The following XKR6 variants were observed in gnomAD, a reference collection of about 807,000 sequenced individuals.
XKR6 encodes the protein XK-related protein 6.
Under a neutral mutation model 56.7 loss-of-function variants are expected in XKR6, and 22 were observed. The observed-to-expected ratio is 0.39, with a 90% CI of 0.28 to 0.55. The LOEUF (loss-of-function observed/expected upper bound fraction) is 0.55. Among genes scored for constraint, XKR6 ranks in the 20% least tolerant of loss-of-function variants. The pLI, the probability that XKR6 is intolerant of heterozygous loss-of-function variation, is 0.66. For synonymous variants in XKR6, 524 were observed against 387.8 expected (o/e 1.35, Z -4.13); for missense variants, 852 against 889.0 (o/e 0.96, Z 0.53).
At chr8:11,087,330 G>A (rs2129171692) in intron 1 of XKR6, among the ~76,000 whole-genome samples, 1 of 152,294 alleles carries the variant, frequency 6.6e-6, no homozygotes, top group East Asian at 1.9e-4. Flanking sequence ...ACAGGACCCT[G>A]ATCCTGATTC....
chr8:11,191,299 T>A (rs1267147708), intron 1 of XKR6, among the ~76,000 whole-genome samples: 2 of 152,110 alleles, frequency 1.3e-5, no homozygotes, highest in African/African-American at 4.8e-5. Flanking sequence ...CCGGCAAGGA[T>A]TCCCAAAAGA....
chr8:11,179,077 G>A (rs58454813), intron 1 of XKR6, among the ~76,000 whole-genome samples: 10,173 of 132,604 alleles, frequency 0.077, 412 homozygotes, highest in South Asian at 0.11. Flanking sequence ...GGCTTGTCTC[G>A]AACTCTCAGC....
At chr8:10,980,692 T>C (rs1381929329) in intron 1 of XKR6, among the ~76,000 whole-genome samples, 2 of 152,218 alleles carry the variant, frequency 1.3e-5, no homozygotes, top group East Asian at 3.8e-4. Flanking sequence ...CTCTATCTAT[T>C]GACCTACCCA....
intron 1 of XKR6, among the ~76,000 whole-genome samples, chr8:11,198,598 C>T (rs763284438): frequency 2.0e-5 from 3 of 151,938 alleles, no homozygotes; most frequent in Non-Finnish European, 4.4e-5. Context: ...GCCCTAAAAT[C>T]TGGACTTCCA....
At chr8:11,160,815 G>C (rs1344191278) in intron 1 of XKR6, among the ~76,000 whole-genome samples, 2 of 144,898 alleles carry the variant, frequency 1.4e-5, no homozygotes, top group African/African-American at 5.2e-5. Flanking sequence ...GGTAGGCTAA[G>C]CCAAGAGAAA....
At chr8:10,993,202 C>G (rs1644366855) in intron 1 of XKR6, among the ~76,000 whole-genome samples, 1 of 152,240 alleles carries the variant, frequency 6.6e-6, no homozygotes, top group African/African-American at 2.4e-5. Flanking sequence ...GCTGGTAGCT[C>G]TCGCGCCCAG....
At chr8:11,019,027 C>G (rs952172469) in intron 1 of XKR6, among the ~76,000 whole-genome samples, 5 of 152,196 alleles carry the variant, frequency 3.3e-5, no homozygotes, top group African/African-American at 1.2e-4. Flanking sequence ...CCCCCTCACC[C>G]ACTCCCCCAG....
chr8:11,128,923 C>G (rs1295438304), intron 1 of XKR6: 1 of 456,730 alleles, frequency 2.2e-6, no homozygotes, highest in Non-Finnish European at 4.4e-6. Context: ...AACCTTGTTC[C>G]CCTGGCTTCT....
chr8:10,911,896 G>T (rs1800383934), intron 2 of XKR6, among the ~76,000 whole-genome samples: 1 of 150,252 alleles, frequency 6.7e-6, no homozygotes, highest in East Asian at 2.0e-4. Context: ...TATATATAGA[G>T]AGAATAGGTA....
intron 1 of XKR6, among the ~76,000 whole-genome samples, chr8:11,008,926 T>C (rs1798437256): frequency 6.6e-6 from 1 of 152,058 alleles, no homozygotes; most frequent in South Asian, 2.1e-4. Context: ...CTGAGGGAAA[T>C]CTCTTGACAT....
chr8:11,070,803 C>A (rs1425633547), intron 1 of XKR6, among the ~76,000 whole-genome samples: 1 of 152,186 alleles, frequency 6.6e-6, no homozygotes, highest in Non-Finnish European at 1.5e-5. Flanking sequence ...AGGTGACTTG[C>A]CCAAGATCTC....
At chr8:10,979,004 C>G (rs531877119) in intron 1 of XKR6, among the ~76,000 whole-genome samples, 1 of 152,122 alleles carries the variant, frequency 6.6e-6, no homozygotes, top group Non-Finnish European at 1.5e-5. Flanking sequence ...ATCTGTCCAC[C>G]CCCTGCCTGG....
intron 1 of XKR6, among the ~76,000 whole-genome samples, chr8:11,163,811 A>G (rs1201224091): frequency 1.3e-5 from 2 of 152,138 alleles, no homozygotes; most frequent in Non-Finnish European, 2.9e-5. Context: ...AAGAGAGTAG[A>G]GTAGCTTGTT....
chr8:10,952,580 C>T (rs1032585244), intron 1 of XKR6, among the ~76,000 whole-genome samples: 4 of 152,176 alleles, frequency 2.6e-5, no homozygotes, highest in Non-Finnish European at 5.9e-5. Flanking sequence ...CAGCCTCCCC[C>T]GTACCTGGGA....
chr8:10,916,712 G>A lies in XKR6; in HGVS notation c.961+7922C>T, dbSNP rs1259014248. Among the ~76,000 whole-genome samples the A allele has an allele frequency of 3.3e-5, 5 of 152,014 alleles. No homozygotes were observed. The East Asian group carries it at 9.6e-4, about 29-fold the overall frequency. On this transcript the variant is annotated intron_variant, in intron 2 of 2. Transcript: ENST00000416569. ...GTGGGATGCTTTTCATCCTCACCAG[G>A]GAAAAAAAGAAGTAAGTGCTTGCCG...
At chr8:11,153,308 G>C (rs1295000765) in intron 1 of XKR6, among the ~76,000 whole-genome samples, 3 of 152,126 alleles carry the variant, frequency 2.0e-5, no homozygotes, top group African/African-American at 7.2e-5. Flanking sequence ...TTAGAAGTGA[G>C]GAAATATGGA....
chr8:11,079,022 G>A (rs1342453083), intron 1 of XKR6, among the ~76,000 whole-genome samples: 2 of 152,226 alleles, frequency 1.3e-5, no homozygotes, highest in African/African-American at 2.4e-5. Flanking sequence ...AGAGGAACAG[G>A]GCGCTGCAGG....
intron 1 of XKR6, among the ~76,000 whole-genome samples, chr8:11,030,943 T>C (rs1798979694): frequency 6.6e-6 from 1 of 152,212 alleles, no homozygotes; most frequent in South Asian, 2.1e-4. Flanking sequence ...CTTATGACCA[T>C]TTTAAATATT....
chr8:11,039,026 C>T (rs1799218036), intron 1 of XKR6, among the ~76,000 whole-genome samples: 1 of 152,110 alleles, frequency 6.6e-6, no homozygotes, highest in African/African-American at 2.4e-5. Context: ...TGAGACCCTG[C>T]CACTCAGAGC....
Sources: gnomAD v4.1 joint callset for allele counts (sites outside exome capture counted in the v4.1 genomes callset) on GRCh38, gnomAD v4.1.1 for gene constraint, MANE v1.5 for transcripts, NCBI Gene and HGNC (gene_info 2026-07-23, HGNC 2026-07-21) for gene names.